The following CLNK variants were observed in gnomAD, a reference collection of about 807,000 sequenced individuals.
CLNK encodes the protein cytokine-dependent hematopoietic cell linker.
A neutral mutation model predicts 68.6 loss-of-function variants in CLNK; 74 were observed. That is an observed-to-expected ratio of 1.08 (90% confidence interval 0.89 to 1.31). The LOEUF is 1.31. Ranked by LOEUF, CLNK falls within the 50% of genes most tolerant of loss-of-function variation. The pLI is 0.00. For synonymous variants in CLNK, 198 were observed against 172.2 expected (o/e 1.15, Z -1.17); for missense variants, 553 against 515.3 (o/e 1.07, Z -0.71).
At position 10,637,583 on chromosome 4, in the gene CLNK, CTTTTTTTTTTTT is replaced by C. The variant is rs1158317670; in HGVS notation, c.11+30264_11+30275del. Among the ~76,000 whole-genome samples the C allele has an allele frequency of 3.2e-4, 23 of 71,436 alleles. No individual in the cohort carries two copies. The East Asian group carries it at 5.0e-3, about 16-fold the overall frequency. 46.9% of individuals were successfully genotyped at this position (71,436 alleles called of 152,430 possible). On this transcript the variant is annotated intron_variant, in intron 2 of 18. Transcript: ENST00000226951. ...CTCCTGGAACATGCCCACCATTCCT[CTTTTTTTTTTTT>C]TTTTTTTTTTTTTTTTTGAGACGGA...
At chr4:10,667,373 A>T (rs10005365) in intron 2 of CLNK, among the ~76,000 whole-genome samples, 1,569 of 140,946 alleles carry the variant, frequency 0.011, 33 homozygotes, top group African/African-American at 0.039. Context: ...AGTCCTGCTA[A>T]TTTTTTTTTT....
At chr4:10,628,763 C>T (rs957422039) in intron 2 of CLNK, among the ~76,000 whole-genome samples, 6 of 152,192 alleles carry the variant, frequency 3.9e-5, no homozygotes, top group African/African-American at 1.4e-4. Context: ...TTCAGGCCTC[C>T]CCACATCTTA....
chr4:10,512,187 A>G lies in CLNK; in HGVS notation c.906+1277T>C, dbSNP rs191866826. The stretch of plus-strand genomic sequence containing the variant: ...TGTTTACGAAGAAGATGAAAGAGCA[A>G]AAGGAAGCCGAGTGCATGACAAGGG... On this transcript the variant is annotated intron_variant, in intron 16 of 18. Transcript: ENST00000226951. 5.5e-3 allele frequency among the ~76,000 whole-genome samples: 840 copies of G among 152,250 alleles called. 3 individuals carry two copies. Among genetic ancestry groups the G allele is most frequent in the Non-Finnish European group, 9.0e-3 (612 of 68,012 alleles).
intron 8 of CLNK, among the ~76,000 whole-genome samples, chr4:10,557,442 G>C (rs1032499736): frequency 6.6e-6 from 1 of 152,178 alleles, no homozygotes; most frequent in Non-Finnish European, 1.5e-5. Flanking sequence ...TCCCCAAGAA[G>C]TCTGCCTGGG....
chr4:10,642,194 C>T (rs1381412119), intron 2 of CLNK, among the ~76,000 whole-genome samples: 1 of 152,156 alleles, frequency 6.6e-6, no homozygotes, highest in Non-Finnish European at 1.5e-5. Flanking sequence ...GCATCCTTTA[C>T]TATTTTCAGC....
intron 15 of CLNK, among the ~76,000 whole-genome samples, chr4:10,517,952 C>T (rs995316146): frequency 6.6e-6 from 1 of 151,748 alleles, no homozygotes; most frequent in African/African-American, 2.4e-5. Flanking sequence ...ATGTAACTCA[C>T]TATAAGTATT....
chr4:10,535,503 C>G (rs866256828), intron 11 of CLNK, among the ~76,000 whole-genome samples: 1 of 152,104 alleles, frequency 6.6e-6, no homozygotes, highest in Non-Finnish European at 1.5e-5. Context: ...GATCCCAAAC[C>G]GGGCCTGGTG....
At chr4:10,563,077 A>G (rs1447875941) in intron 7 of CLNK, among the ~76,000 whole-genome samples, 1 of 152,212 alleles carries the variant, frequency 6.6e-6, no homozygotes, top group Non-Finnish European at 1.5e-5. Flanking sequence ...TTGCTCCTTC[A>G]GTCTCTATCA....
the CLNK span, among the ~76,000 whole-genome samples, chr4:10,705,764 A>G: frequency 6.6e-6 from 1 of 152,238 alleles, no homozygotes; most frequent in Non-Finnish European, 1.5e-5. Flanking sequence ...TTTGTGGTGT[A>G]GCATAATACA....
At chr4:10,723,043 T>TA in the CLNK span, among the ~76,000 whole-genome samples, 572 of 145,562 alleles carry the variant, frequency 3.9e-3, 2 homozygotes, top group African/African-American at 8.5e-3. Flanking sequence ...GACTCTGTAT[T>TA]AAAAAAAAAA....
intron 2 of CLNK, among the ~76,000 whole-genome samples, chr4:10,659,205 G>C (rs1724096421): frequency 6.6e-6 from 1 of 152,098 alleles, no homozygotes; most frequent in South Asian, 2.1e-4. Context: ...CTGTCTCAAA[G>C]AAAACAAAAC....
At position 10,597,977 on chromosome 4, in the gene CLNK, C is replaced by A. The variant is rs768315224; in HGVS notation, c.83+1G>T. ...ATTAATAAACAAGTAAATATTCTGACCTGTTTTTTGGCAGACTGAAGTTCT... is the reference window on the plus strand; with the variant it reads ...ATTAATAAACAAGTAAATATTCTGAACTGTTTTTTGGCAGACTGAAGTTCT... On this transcript the variant is annotated splice_donor_variant, in intron 3 of 18. Coordinates refer to ENST00000226951, the MANE Select transcript of CLNK (RefSeq NM_052964.4). LOFTEE classifies it high-confidence loss of function. The A allele has an allele frequency of 6.4e-7, 1 of 1,567,364 alleles. No individual in the cohort carries two copies. Among genetic ancestry groups the A allele is most frequent in the South Asian group, 1.2e-5 (1 of 85,316 alleles).
the CLNK span, among the ~76,000 whole-genome samples, chr4:10,706,566 A>G: frequency 6.6e-6 from 1 of 152,230 alleles, no homozygotes; most frequent in South Asian, 2.1e-4. Context: ...CTTCAGGAGA[A>G]GAAGAGGAAG....
the CLNK span, among the ~76,000 whole-genome samples, chr4:10,707,191 C>T: frequency 2.6e-5 from 4 of 151,976 alleles, no homozygotes; most frequent in Non-Finnish European, 4.4e-5. Context: ...TTGTCTTGGA[C>T]CACACATAAA....
At chr4:10,553,449 T>C (rs1291550029) in intron 8 of CLNK, among the ~76,000 whole-genome samples, 1 of 145,816 alleles carries the variant, frequency 6.9e-6, no homozygotes, top group Admixed American at 6.9e-5. Context: ...TATTTATTTT[T>C]TTATTTTATT....
In CLNK at chr4:10,540,532, A is replaced by C; in HGVS notation, c.564T>G (p.Ser188=). ...GGACTTCTGGAAAGGTGTGTCTCTG[A>C]GATAAAGGTGGCCTGCTGCTCTCCG... ...PEPESSRPPL[S]QRHTFPEVQR... Residue 188 remains serine (S), a synonymous_variant, in exon 11 of 19, where the codon TCT becomes TCG. Transcript: ENST00000226951. 6.2e-7 allele frequency: 1 copy of C among 1,613,686 alleles called. No individual in the cohort carries two copies. Among genetic ancestry groups the C allele is most frequent in the Non-Finnish European group, 8.5e-7 (1 of 1,179,806 alleles).
At chr4:10,690,689 C>A in the CLNK span, among the ~76,000 whole-genome samples, 1 of 152,102 alleles carries the variant, frequency 6.6e-6, no homozygotes, top group Non-Finnish European at 1.5e-5. Flanking sequence ...ATTACAATAA[C>A]GCCTCTGTGT....
At chr4:10,515,237 CA>C (rs575002968) in intron 15 of CLNK, among the ~76,000 whole-genome samples, 1 of 149,912 alleles carries the variant, frequency 6.7e-6, no homozygotes, top group East Asian at 1.9e-4. Flanking sequence ...GACTCCATCT[CA>C]AAAAAAAAGA....
At chr4:10,573,651 A>G (rs1294752447) in intron 4 of CLNK, among the ~76,000 whole-genome samples, 1 of 152,048 alleles carries the variant, frequency 6.6e-6, no homozygotes, top group East Asian at 1.9e-4. Flanking sequence ...GAGGAAAACA[A>G]CTCCACTGTT....
Sources: gnomAD v4.1 joint callset for allele counts (sites outside exome capture counted in the v4.1 genomes callset) on GRCh38, gnomAD v4.1.1 for gene constraint, MANE v1.5 for transcripts, NCBI Gene and HGNC (gene_info 2026-07-23, HGNC 2026-07-21) for gene names.